The following GYS1 variants were observed in gnomAD, a reference collection of about 807,000 sequenced individuals.
The protein encoded by GYS1 is glycogen [starch] synthase, muscle.
GYS1 carries 60 observed loss-of-function variants against 89.1 expected under a neutral mutation model. That is an observed-to-expected ratio of 0.67 (90% CI 0.55 to 0.84). The LOEUF is 0.84. GYS1 is among the 40% of genes least tolerant of loss of function. The pLI, the probability that GYS1 is intolerant of heterozygous loss-of-function variation, is 0.00. For synonymous variants in GYS1, 366 were observed against 401.7 expected (o/e 0.91, Z 1.06); for missense variants, 888 against 1,003.1 (o/e 0.89, Z 1.55).
intron 1 of GYS1, 57 bp downstream of exon 1, chr19:48,992,938 G>A (rs983694016): frequency 4.0e-6 from 4 of 994,008 alleles, no homozygotes; most frequent in Admixed American, 1.7e-5. Context: ...TCAGAGTTCC[G>A]GGCCCCCATC....
chr19:48,982,823 T>TG lies in GYS1; in HGVS notation c.837dup (p.Asn280GlnfsTer13), dbSNP rs2038787841. The stretch of plus-strand genomic sequence containing the variant: ...GAAAACTTCTTCACATTCAGCCCAT[T>TG]GGGGGTCACAATATCTGGGATTGGG... On this transcript the variant is annotated frameshift_variant, in exon 6 of 16. Transcript: ENST00000323798. LOFTEE classifies it high-confidence loss of function. The TG allele has an allele frequency of 6.2e-7, 1 of 1,605,020 alleles. No individual in the cohort carries two copies. The highest frequency in any genetic ancestry group is 8.5e-7 in the Non-Finnish European group (1 of 1,171,816).
Position 48,991,324 on chromosome 19 carries a change from G to T in GYS1, c.278C>A (p.Ser93Tyr), listed in dbSNP as rs754411503. The T allele has an allele frequency of 1.2e-6, 2 of 1,613,828 alleles. No homozygotes were observed. Among genetic ancestry groups the T allele is most frequent in the African/African-American group, 2.7e-5 (2 of 74,946 alleles). The change falls in exon 2 of 16, where the codon TCC becomes TAC. Residue 93 changes from serine (S) to tyrosine (Y), a missense_variant. Physicochemically the swap from Ser to Tyr is moderately radical, Grantham distance 144 (BLOSUM62 -2). Transcript: ENST00000323798. The surrounding 1 kb of genome is among the most constrained non-coding windows in gnomAD (Gnocchi z 4.7). ...PTPALKRTLD[S>Y]MNSKGCKVYF... ...CACCTTGCAGCCCTTGCTGTTCATG[G>T]AATCCAGTGTCCTCTTCAGGGCCGG...
Position 48,969,777 on chromosome 19 carries a change from C to A in GYS1, c.1888G>T (p.Ala630Ser). The change falls in exon 15 of 16, where the codon GCG becomes TCG. Residue 630 changes from alanine (A) to serine (S), a missense_variant and splice_region_variant. Coordinates refer to ENST00000323798, the MANE Select transcript of GYS1 (RefSeq NM_002103.5). ...HFTYEPNEAD[A>S]AQGYRYPRPA... Reference sequence around the variant, plus strand: ...GCAGAAATCCAGGGTCCACTCACCGCATCCGCCTCGTTGGGCTCGTAGGTG... The same window carrying A: ...GCAGAAATCCAGGGTCCACTCACCGAATCCGCCTCGTTGGGCTCGTAGGTG... 2 of 1,613,728 alleles carry A rather than the reference C, an allele frequency of 1.2e-6. No individual in the cohort carries two copies. Among genetic ancestry groups the A allele is most frequent in the Non-Finnish European group, 1.7e-6 (2 of 1,179,716 alleles).
At chr19:48,972,603 C>T (rs115640173) in intron 12 of GYS1, among the ~76,000 whole-genome samples, 3,161 of 152,014 alleles carry the variant, frequency 0.021, 112 homozygotes, top group African/African-American at 0.072. Context: ...CTCAACTTCC[C>T]GAAGGGCTGG....
intron 9 of GYS1, 30 bp downstream of exon 9, chr19:48,978,068 A>G: frequency 6.2e-7 from 1 of 1,610,698 alleles, no homozygotes. Context: ...AGGGCCTAGG[A>G]GGGCACAGGG....
chr19:48,977,969 A>G lies in GYS1; in HGVS notation c.1263T>C (p.Asp421=). 1 of 1,613,980 alleles carries G rather than the reference A, an allele frequency of 6.2e-7. No homozygotes were observed. Among genetic ancestry groups the G allele is most frequent in the East Asian group, 2.2e-5 (1 of 44,852 alleles). Residue 421 remains aspartate (D), a synonymous_variant, in exon 10 of 16, where the codon GAT becomes GAC. Transcript: ENST00000323798. ...TCTTCATCATAGTGAAGTCTTCCTT[A>G]TCCAGCATCTTGTTCATGTCGGGAA... ...GSLPDMNKML[D]KEDFTMMKRA... is the part of the protein sequence containing the mutation.
chr19:48,970,157 C>G (rs558595283), intron 14 of GYS1: 20 of 493,330 alleles, frequency 4.1e-5, no homozygotes, highest in East Asian at 1.9e-4. Context: ...CGGTCTTGTT[C>G]TGTTACTCTA....
chr19:48,970,465 G>A, intron 14 of GYS1, 81 bp downstream of exon 14: 3 of 1,168,972 alleles, frequency 2.6e-6, no homozygotes. Flanking sequence ...CAAGTAGGAT[G>A]AGACCCTGCA....
At chr19:48,978,325 A>G in intron 8 of GYS1, 168 bp from the exon 9 acceptor site, 2 of 666,686 alleles carry the variant, frequency 3.0e-6, no homozygotes, top group Non-Finnish European at 5.5e-6. Context: ...TCCCAGGTTC[A>G]AGCAATTCTC....
rs1219938507 is a variant in GYS1 at position 48,968,772 on chromosome 19, G to A, written c.*516C>T. The A allele has an allele frequency of 1.1e-5, 5 of 454,230 alleles. No individual in the cohort carries two copies. Among genetic ancestry groups the A allele is most frequent in the Non-Finnish European group, 2.2e-5 (5 of 226,998 alleles). 28.1% of individuals were successfully genotyped at this position (454,230 alleles called of 1,614,324 possible). On this transcript the variant is annotated 3_prime_UTR_variant, in exon 16 of 16. Transcript: ENST00000323798. ...CCCCACTTCTGGAGTTGAAATGGAG[G>A]ACCATCTGCTCTCAGTTACCTTCAA... is the stretch of plus-strand genomic sequence containing the variant.
intron 10 of GYS1, among the ~76,000 whole-genome samples, chr19:48,977,576 G>C (rs2038676268): frequency 6.6e-6 from 1 of 152,140 alleles, no homozygotes. Flanking sequence ...CTGGGCGACA[G>C]AGCGAGACTC....
At chr19:48,979,915 G>A (rs1272547605) in intron 8 of GYS1, among the ~76,000 whole-genome samples, 7 of 151,876 alleles carry the variant, frequency 4.6e-5, no homozygotes, top group African/African-American at 1.5e-4. Flanking sequence ...CCAAAGTGCC[G>A]GGATTACAGG....
rs2038934441 is a variant in GYS1 at position 48,991,784 on chromosome 19, C to A, written c.119-301G>T. Among the ~76,000 whole-genome samples the A allele has an allele frequency of 6.6e-6, 1 of 151,956 alleles. No individual in the cohort carries two copies. Among genetic ancestry groups the A allele is most frequent in the Admixed American group, 6.6e-5 (1 of 15,248 alleles). ...GAGAGAAGGGGCTGGGTGCCGGGAC[C>A]CCTTGGTCTGAAGGAATTAGGCACT... On this transcript the variant is annotated intron_variant, in intron 1 of 15. Coordinates refer to ENST00000323798, the MANE Select transcript of GYS1 (RefSeq NM_002103.5). This position sits in a 1 kb window ranked among gnomAD's most constrained non-coding sequence, Gnocchi z 4.7.
intron 5 of GYS1, among the ~76,000 whole-genome samples, chr19:48,983,509 T>C (rs1174952062): frequency 6.6e-6 from 1 of 152,178 alleles, no homozygotes; most frequent in Non-Finnish European, 1.5e-5. Flanking sequence ...GTCCTGCTTC[T>C]CCTAGGATAT....
In GYS1 at chr19:48,969,589, C is replaced by G. The variant is rs1356166458; in HGVS notation, c.1913G>C (p.Arg638Pro). 1 of 1,538,058 alleles carries G rather than the reference C, an allele frequency of 6.5e-7. No homozygotes were observed. Among genetic ancestry groups the G allele is most frequent in the Non-Finnish European group, 8.7e-7 (1 of 1,147,184 alleles). The change falls in exon 16 of 16, where the codon CGG (arginine) becomes CCG (proline). Residue 638 changes from arginine to proline, a missense_variant. Coordinates refer to ENST00000323798, the MANE Select transcript of GYS1 (RefSeq NM_002103.5). ...GGGCGACGGTGGCACCGAGGCTGGC[C>G]GTGGGTAGCGGTACCCCTGGGCCTG... Reference protein sequence around the residue: ...ADAAQGYRYPRPASVPPSPSL... With the variant: ...ADAAQGYRYPPPASVPPSPSL...
chr19:48,974,129 A>C, intron 12 of GYS1, 84 bp downstream of exon 12: 2 of 1,420,314 alleles, frequency 1.4e-6, no homozygotes, highest in Non-Finnish European at 1.9e-6. Flanking sequence ...CAACAGGCTC[A>C]GAGAAGGCCA....
intron 5 of GYS1, among the ~76,000 whole-genome samples, chr19:48,983,132 G>A (rs372819375): frequency 1.3e-5 from 2 of 151,946 alleles, no homozygotes; most frequent in African/African-American, 4.8e-5. Context: ...CACTACAGGC[G>A]TGCACTACCA....
intron 2 of GYS1, among the ~76,000 whole-genome samples, chr19:48,990,099 A>AC (rs1382891599): frequency 1.3e-5 from 2 of 148,904 alleles, no homozygotes; most frequent in Non-Finnish European, 3.0e-5. Context: ...ACACAGTCGG[A>AC]CCTGAATGGA....
Position 48,991,555 on chromosome 19 carries a change from C to A in GYS1, c.119-72G>T. 1.2e-6 allele frequency: 1 copy of A among 814,092 alleles called. No individual in the cohort carries two copies. The highest frequency in any genetic ancestry group is 1.8e-5 in the Admixed American group (1 of 54,230). 50.4% of individuals were successfully genotyped at this position (814,092 alleles called of 1,614,324 possible). A position where few individuals can be genotyped will look rare whatever the true frequency, so the allele number is the denominator to read the frequency against. Reference sequence around the variant, plus strand: ...TTCTGGGGCCTGGGGTGGGGTGGGCCGGGGATGTAGGGGGCACTCAGGCCC... The same window carrying A: ...TTCTGGGGCCTGGGGTGGGGTGGGCAGGGGATGTAGGGGGCACTCAGGCCC... On this transcript the variant is annotated intron_variant, in intron 1 of 15. Coordinates refer to ENST00000323798, the MANE Select transcript of GYS1 (RefSeq NM_002103.5). This position sits in a 1 kb window ranked among gnomAD's most constrained non-coding sequence, Gnocchi z 4.7.
Sources: gnomAD v4.1 joint callset for allele counts (sites outside exome capture counted in the v4.1 genomes callset) on GRCh38, gnomAD v4.1.1 for gene constraint, Gnocchi (gnomAD v3.1) non-coding constraint, MANE v1.5 for transcripts, NCBI Gene and HGNC (gene_info 2026-07-23, HGNC 2026-07-21) for gene names.